The following KCNAB1 variants were observed in gnomAD, a reference collection of about 807,000 sequenced individuals.
KCNAB1 encodes the protein voltage-gated potassium channel subunit beta-1.
Under a neutral mutation model 64.6 loss-of-function variants are expected in KCNAB1, and 35 were observed. The ratio of observed to expected loss-of-function variants is 0.54; its 90% CI spans 0.41 to 0.72. The LOEUF is 0.72. Ranked by LOEUF, KCNAB1 falls within the 30% of genes least tolerant of loss-of-function variation. The pLI, the probability that KCNAB1 is intolerant of heterozygous loss-of-function variation, is 0.00. For missense variants in KCNAB1, 401 were observed against 512.9 expected (o/e 0.78, Z 2.11); for synonymous variants, 177 against 183.8 (o/e 0.96, Z 0.30).
At chr3:156,523,336 GTGA>G (rs1718080398) in intron 11 of KCNAB1, among the ~76,000 whole-genome samples, 2 of 152,218 alleles carry the variant, frequency 1.3e-5, no homozygotes, top group Admixed American at 6.5e-5. Context: ...GAGATTAGCA[GTGA>G]ATTGAAAGCA....
intron 1 of KCNAB1, chr3:156,291,816 A>G (rs970112134): frequency 6.3e-7 from 1 of 1,587,332 alleles, no homozygotes; most frequent in Non-Finnish European, 8.6e-7. Context: ...GAGGGCTTAA[A>G]AGAAAAGCAG....
intron 1 of KCNAB1, among the ~76,000 whole-genome samples, chr3:156,411,905 G>A (rs1714691782): frequency 1.3e-5 from 2 of 152,158 alleles, no homozygotes; most frequent in Middle Eastern, 3.4e-3. Flanking sequence ...CTTTGTTGCT[G>A]TCTACAGAGC....
Position 156,333,319 on chromosome 3 carries a change from A to AACACACACAC in KCNAB1, c.276-88283_276-88274dup, listed in dbSNP as rs10641743. Among the ~76,000 whole-genome samples, 1,159 of 143,348 alleles carry AACACACACAC rather than the reference A, an allele frequency of 8.1e-3. 20 individuals carry two copies. Among genetic ancestry groups the AACACACACAC allele is most frequent in the African/African-American group, 0.027 (1,039 of 37,968 alleles). 94.0% of individuals were successfully genotyped at this position (143,348 alleles called of 152,430 possible). On this transcript the variant is annotated intron_variant, in intron 1 of 13. Coordinates refer to ENST00000490337, the MANE Select transcript of KCNAB1 (RefSeq NM_172160.3). ...ATACCAGTATACAAACGCACATAGA[A>AACACACACAC]ACACACACACACACACACACACATA...
chr3:156,532,616 TA>T (rs1220145179), intron 13 of KCNAB1, among the ~76,000 whole-genome samples: 1 of 152,180 alleles, frequency 6.6e-6, no homozygotes, highest in African/African-American at 2.4e-5. Flanking sequence ...CACTGTGGAA[TA>T]AATGGTATAG....
intron 1 of KCNAB1, among the ~76,000 whole-genome samples, chr3:156,308,335 G>T (rs189607061): frequency 2.1e-4 from 32 of 152,298 alleles, no homozygotes; most frequent in Non-Finnish European, 2.8e-4. Flanking sequence ...TATTCTGGGT[G>T]AGTGAGATGG....
chr3:156,278,815 CA>C lies in KCNAB1; in HGVS notation c.276-142792del, dbSNP rs1368114577. Among the ~76,000 whole-genome samples the C allele has an allele frequency of 9.4e-5, 14 of 149,066 alleles. No individual in the cohort carries two copies. In the South Asian group the frequency reaches 2.3e-3, roughly 25 times the overall value. On this transcript the variant is annotated intron_variant, in intron 1 of 13. Coordinates refer to ENST00000490337, the MANE Select transcript of KCNAB1 (RefSeq NM_172160.3). ...CAGAGACAAAAGTTCAGCATGCTTT[CA>C]AAAAAAAATGCTACATCATCAACAC...
intron 1 of KCNAB1, among the ~76,000 whole-genome samples, chr3:156,242,514 C>T (rs1406728468): frequency 6.6e-6 from 1 of 152,124 alleles, no homozygotes; most frequent in Non-Finnish European, 1.5e-5. Flanking sequence ...TATCCTCTCT[C>T]TTGCTTTGTA....
intron 1 of KCNAB1, among the ~76,000 whole-genome samples, chr3:156,318,197 A>C (rs1167509035): frequency 1.3e-5 from 2 of 152,178 alleles, no homozygotes. Flanking sequence ...TAGGGGGCAA[A>C]AGCCTTTGCT....
intron 1 of KCNAB1, among the ~76,000 whole-genome samples, chr3:156,233,455 G>A (rs1016533945): frequency 1.2e-4 from 19 of 152,206 alleles, no homozygotes; most frequent in African/African-American, 4.6e-4. Context: ...TGAGGTGGGT[G>A]AGGCTGGAGG....
chr3:156,293,266 T>C (rs1259111064), intron 1 of KCNAB1, among the ~76,000 whole-genome samples: 1 of 152,246 alleles, frequency 6.6e-6, no homozygotes, highest in Non-Finnish European at 1.5e-5. Flanking sequence ...TTTGTGAATG[T>C]AGAGGAGAGA....
intron 1 of KCNAB1, among the ~76,000 whole-genome samples, chr3:156,410,947 C>T (rs1456879844): frequency 2.6e-5 from 4 of 152,242 alleles, no homozygotes; most frequent in East Asian, 3.9e-4. Context: ...TTTTAATTCA[C>T]TTTGGTAAAT....
intron 1 of KCNAB1, among the ~76,000 whole-genome samples, chr3:156,153,996 T>A: frequency 6.6e-6 from 1 of 152,194 alleles, no homozygotes; most frequent in Non-Finnish European, 1.5e-5. Flanking sequence ...GTTAGTTGTG[T>A]TTATCTGGAA....
chr3:156,273,662 T>G (rs115906877), intron 1 of KCNAB1: 1 of 455,370 alleles, frequency 2.2e-6, no homozygotes, highest in Non-Finnish European at 4.4e-6. Context: ...TTCAGCGATA[T>G]GAAGTTAAAA....
At chr3:156,282,906 T>A (rs1292955579) in intron 1 of KCNAB1, among the ~76,000 whole-genome samples, 1 of 151,960 alleles carries the variant, frequency 6.6e-6, no homozygotes, top group African/African-American at 2.4e-5. Flanking sequence ...CTGAGGGTCT[T>A]GACTCTTTAT....
chr3:156,258,234 C>T (rs1560162171), intron 1 of KCNAB1, among the ~76,000 whole-genome samples: 2 of 152,142 alleles, frequency 1.3e-5, no homozygotes, highest in East Asian at 3.8e-4. Context: ...CTGGGAGGAG[C>T]GTCTATCTTA....
intron 1 of KCNAB1, among the ~76,000 whole-genome samples, chr3:156,242,592 G>T (rs1717222670): frequency 6.7e-6 from 1 of 149,520 alleles, no homozygotes; most frequent in Admixed American, 6.6e-5. Context: ...TTCTTCTATT[G>T]AGCTTTTCAT....
At chr3:156,123,322 A>G (rs1713459451) in intron 1 of KCNAB1, among the ~76,000 whole-genome samples, 1 of 152,246 alleles carries the variant, frequency 6.6e-6, no homozygotes, top group Non-Finnish European at 1.5e-5. Context: ...AGGAATTGCT[A>G]GCGAACTCAA....
intron 12 of KCNAB1, chr3:156,524,176 A>G (rs2280299): frequency 0.48 from 212,832 of 442,616 alleles, 52,556 homozygotes; most frequent in East Asian, 0.65. Context: ...AACATAGTTT[A>G]AATGAGAACA....
chr3:156,280,795 G>C, intron 1 of KCNAB1, among the ~76,000 whole-genome samples: 1 of 151,870 alleles, frequency 6.6e-6, no homozygotes, highest in Admixed American at 6.6e-5. Context: ...GAATGCTTGT[G>C]ATTTTTGTAC....
Sources: allele counts gnomAD v4.1 joint callset (sites outside exome capture counted in the v4.1 genomes callset), GRCh38; gene constraint gnomAD v4.1.1; transcripts MANE v1.5; gene names NCBI Gene and HGNC (gene_info 2026-07-23, HGNC 2026-07-21).